Variants in ROR1 observed in about 807,000 individuals in gnomAD.
The protein encoded by ROR1 is ROR family WNT receptor 1.
ROR1 carries 19 observed loss-of-function variants against 78.8 expected under a neutral mutation model. The ratio of observed to expected loss-of-function variants is 0.24; its 90% CI spans 0.17 to 0.35. The LOEUF (loss-of-function observed/expected upper bound fraction) is 0.35, where lower values mean the gene tolerates loss of function less well. Ranked by LOEUF, ROR1 falls within the 10% of genes least tolerant of loss-of-function variation. The pLI, the probability that ROR1 is intolerant of heterozygous loss-of-function variation, is 1.00. For missense variants in ROR1, 917 were observed against 1,177.8 expected (o/e 0.78, Z 3.24); for synonymous variants, 386 against 433.6 (o/e 0.89, Z 1.36).
At chr1:63,921,830 C>G (rs923856253) in intron 1 of ROR1, among the ~76,000 whole-genome samples, 12 of 152,070 alleles carry the variant, frequency 7.9e-5, no homozygotes, top group Admixed American at 2.6e-4. Context: ...TCTGCTCTGC[C>G]CACCCAGGAC....
At chr1:63,989,652 C>T (rs1302773717) in intron 1 of ROR1, among the ~76,000 whole-genome samples, 2 of 152,166 alleles carry the variant, frequency 1.3e-5, no homozygotes, top group African/African-American at 4.8e-5. Context: ...CAAGTATTCA[C>T]TAGTCTTCTC....
chr1:63,875,843 C>T (rs1405870703), intron 1 of ROR1, among the ~76,000 whole-genome samples: 2 of 152,110 alleles, frequency 1.3e-5, no homozygotes, highest in Non-Finnish European at 2.9e-5. Context: ...AGCTACATTG[C>T]CTACTAATCT....
rs759248512 is a variant in ROR1, at chr1:64,178,879, G to A, written c.*24G>A. The stretch of plus-strand genomic sequence containing the variant: ...AAAATGCACAACTTTTGTAAATGTG[G>A]TATACAGGACAAACTAGACGGCCGT... On this transcript the variant is annotated 3_prime_UTR_variant, in exon 9 of 9. Transcript: ENST00000371079. This position sits in a 1 kb window ranked among gnomAD's most constrained non-coding sequence, Gnocchi z 4.3. 10 of 1,559,884 alleles carry A rather than the reference G, an allele frequency of 6.4e-6. No homozygotes were observed. The highest frequency in any genetic ancestry group is 8.8e-6 in the Non-Finnish European group (10 of 1,136,890).
At chr1:64,142,699 C>A in intron 7 of ROR1, 49 bp downstream of exon 7, 1 of 1,602,582 alleles carries the variant, frequency 6.2e-7, no homozygotes, top group South Asian at 1.1e-5. Context: ...TTTAAAGATC[C>A]CTATCCTACC....
intron 1 of ROR1, among the ~76,000 whole-genome samples, chr1:64,005,539 T>G (rs1646420606): frequency 6.6e-6 from 1 of 152,168 alleles, no homozygotes; most frequent in Admixed American, 6.5e-5. Flanking sequence ...TTGCCAGTGG[T>G]GAGGCGAATA....
At chr1:64,006,747 G>T (rs285392) in intron 1 of ROR1, among the ~76,000 whole-genome samples, 100,224 of 152,002 alleles carry the variant, frequency 0.66, 37,512 homozygotes, top group East Asian at 0.94. Flanking sequence ...GGTGGGGAGG[G>T]TATGTGTGGT....
intron 2 of ROR1, among the ~76,000 whole-genome samples, chr1:64,011,954 C>A (rs1646477944): frequency 6.6e-6 from 1 of 152,122 alleles, no homozygotes; most frequent in Admixed American, 6.6e-5. Context: ...GCCTTCTGGT[C>A]AATTTGGTAG....
At chr1:64,005,006 A>C (rs893481892) in intron 1 of ROR1, among the ~76,000 whole-genome samples, 4 of 152,242 alleles carry the variant, frequency 2.6e-5, no homozygotes, top group African/African-American at 9.6e-5. Context: ...AAACCATATA[A>C]AAACACTTAT....
At chr1:63,814,985 C>G (rs1220365204) in intron 1 of ROR1, among the ~76,000 whole-genome samples, 1 of 152,192 alleles carries the variant, frequency 6.6e-6, no homozygotes, top group African/African-American at 2.4e-5. Flanking sequence ...TCTGCTTTGC[C>G]CAGTTCTGTC....
chr1:64,051,663 G>A (rs1646833477), intron 4 of ROR1, among the ~76,000 whole-genome samples: 1 of 151,912 alleles, frequency 6.6e-6, no homozygotes, highest in African/African-American at 2.4e-5. Context: ...TCTGGCTAAA[G>A]GATTCTCATC....
intron 4 of ROR1, among the ~76,000 whole-genome samples, chr1:64,067,613 A>G (rs72685139): frequency 0.16 from 23,724 of 151,636 alleles, 2,764 homozygotes; most frequent in African/African-American, 0.33. Context: ...TTGCATCCAC[A>G]TTGACAAAAT....
At chr1:64,111,621 C>T (rs1338662015) in intron 4 of ROR1, among the ~76,000 whole-genome samples, 2 of 152,208 alleles carry the variant, frequency 1.3e-5, no homozygotes, top group Admixed American at 6.5e-5. Flanking sequence ...CAATTACACA[C>T]TGGAGGGTAG....
intron 1 of ROR1, among the ~76,000 whole-genome samples, chr1:63,967,305 A>G (rs1490324407): frequency 6.6e-6 from 1 of 152,196 alleles, no homozygotes; most frequent in Non-Finnish European, 1.5e-5. Context: ...GAGAAAAAAC[A>G]TTCCTGCATA....
chr1:63,785,902 G>A (rs1644682091), intron 1 of ROR1, among the ~76,000 whole-genome samples: 1 of 152,190 alleles, frequency 6.6e-6, no homozygotes, highest in African/African-American at 2.4e-5. Context: ...GGCTCATAGC[G>A]CTTTGCCCAC....
rs1650496804 is a variant in ROR1 at position 64,179,623 on chromosome 1, T to A, written c.*768T>A. The A allele has an allele frequency of 6.6e-6, 1 of 152,048 alleles. No individual in the cohort carries two copies. Among genetic ancestry groups the A allele is most frequent in the Admixed American group, 6.6e-5 (1 of 15,266 alleles). 9.4% of individuals were successfully genotyped at this position (152,048 alleles called of 1,614,324 possible). A position where few individuals can be genotyped will look rare whatever the true frequency, so the allele number is the denominator to read the frequency against. On this transcript the variant is annotated 3_prime_UTR_variant, in exon 9 of 9. Transcript: ENST00000371079. Reference sequence around the variant, plus strand: ...CTAGAATTGATTGTTGGTTGATAGTTCTCTTTGCTGGATTAGGAATGAGGC... The same window carrying A: ...CTAGAATTGATTGTTGGTTGATAGTACTCTTTGCTGGATTAGGAATGAGGC...
intron 4 of ROR1, among the ~76,000 whole-genome samples, chr1:64,070,630 T>C (rs902330306): frequency 4.2e-4 from 61 of 146,002 alleles, no homozygotes; most frequent in African/African-American, 1.6e-3. Context: ...TATGCTTTAG[T>C]TTTTTCATCT....
chr1:63,801,414 C>T (rs979123160), intron 1 of ROR1, among the ~76,000 whole-genome samples: 1 of 152,108 alleles, frequency 6.6e-6, no homozygotes, highest in African/African-American at 2.4e-5. Context: ...CCTGCCTCAG[C>T]CTCCTGAGTA....
intron 1 of ROR1, among the ~76,000 whole-genome samples, chr1:63,865,666 G>A (rs1645210852): frequency 1.3e-5 from 2 of 152,200 alleles, no homozygotes; most frequent in African/African-American, 4.8e-5. Context: ...GTAAGCACTT[G>A]ATAAATGATG....
At chr1:63,989,168 GT>G (rs1234720187) in intron 1 of ROR1, among the ~76,000 whole-genome samples, 59 of 142,486 alleles carry the variant, frequency 4.1e-4, no homozygotes, top group Middle Eastern at 7.2e-3. Flanking sequence ...TTCTGTTTTT[GT>G]TTTTTTTTTT....
Sources: gnomAD v4.1 joint callset for allele counts (sites outside exome capture counted in the v4.1 genomes callset) on GRCh38, gnomAD v4.1.1 for gene constraint, Gnocchi (gnomAD v3.1) non-coding constraint, MANE v1.5 for transcripts, NCBI Gene and HGNC (gene_info 2026-07-23, HGNC 2026-07-21) for gene names.